Variants in MAD1L1 observed in about 807,000 individuals in gnomAD.
MAD1L1 encodes mitotic arrest deficient 1 like 1.
MAD1L1 carries 95 observed loss-of-function variants against 96.9 expected under a neutral mutation model. The ratio of observed to expected loss-of-function variants is 0.98; its 90% CI spans 0.83 to 1.16. The LOEUF (loss-of-function observed/expected upper bound fraction) is 1.16, where lower values mean the gene tolerates loss of function less well. Among genes scored for constraint, MAD1L1 ranks in the 50% most tolerant of loss-of-function variants. The pLI is 0.00. For synonymous variants in MAD1L1, 473 were observed against 396.6 expected (o/e 1.19, Z -2.29); for missense variants, 1,007 against 954.4 (o/e 1.06, Z -0.73).
chr7:1,853,655 T>G (rs1204304102), intron 18 of MAD1L1, among the ~76,000 whole-genome samples: 1 of 151,908 alleles, frequency 6.6e-6, no homozygotes, highest in East Asian at 1.9e-4. Flanking sequence ...CCCACACGCC[T>G]CCCTCTGCAC....
At position 1,818,815 on chromosome 7, in the gene MAD1L1, G is replaced by A. The variant is rs553802786; in HGVS notation, c.1999-2587C>T. On this transcript the variant is annotated intron_variant, in intron 18 of 18. Coordinates refer to ENST00000265854, the MANE Select transcript of MAD1L1 (RefSeq NM_001013836.2). ...CACCTCCTCTCTGCCGGCCTCAGGC[G>A]GCTCTGGAAGAATGATGCCCTAATA... Among the ~76,000 whole-genome samples, 11 of 151,900 alleles carry A rather than the reference G, an allele frequency of 7.2e-5. 1 individual carries two copies. The highest frequency in any genetic ancestry group is 3.9e-4 in the East Asian group (2 of 5,160).
At chr7:1,909,652 C>T (rs1356452716) in intron 17 of MAD1L1, among the ~76,000 whole-genome samples, 1 of 152,170 alleles carries the variant, frequency 6.6e-6, no homozygotes, top group East Asian at 1.9e-4. Flanking sequence ...GCCCCAAATC[C>T]AAATTCCCGG....
chr7:1,881,602 G>T (rs1446185679), intron 18 of MAD1L1, among the ~76,000 whole-genome samples: 1 of 152,158 alleles, frequency 6.6e-6, no homozygotes, highest in Non-Finnish European at 1.5e-5. Flanking sequence ...GCACAACTGC[G>T]AAATAGCACA....
intron 18 of MAD1L1, among the ~76,000 whole-genome samples, chr7:1,872,187 C>T (rs937591601): frequency 6.6e-6 from 1 of 152,220 alleles, no homozygotes; most frequent in Non-Finnish European, 1.5e-5. Flanking sequence ...GGGCTGCCTG[C>T]AGGGTCAGAC....
At chr7:2,001,359 C>T (rs1781783704) in intron 14 of MAD1L1, among the ~76,000 whole-genome samples, 1 of 152,282 alleles carries the variant, frequency 6.6e-6, no homozygotes, top group Non-Finnish European at 1.5e-5. Context: ...ATGGAGGGAA[C>T]CTACACTTTG....
At position 2,119,174 on chromosome 7, in the gene MAD1L1, C is replaced by T. The variant is rs1015323386; in HGVS notation, c.1073+29978G>A. ...GGTTCAGGCCAGGCAGCCTGGACTC[C>T]TGCTGTGTTTCATCTACTGTGACAT... On this transcript the variant is annotated intron_variant, in intron 11 of 18. Coordinates refer to ENST00000265854, the MANE Select transcript of MAD1L1 (RefSeq NM_001013836.2). The surrounding 1 kb of genome is among the most constrained non-coding windows in gnomAD (Gnocchi z 4.6). Among the ~76,000 whole-genome samples the T allele has an allele frequency of 2.0e-5, 3 of 152,150 alleles. No individual in the cohort carries two copies. The highest frequency in any genetic ancestry group is 7.2e-5 in the African/African-American group (3 of 41,430).
chr7:1,990,586 G>C (rs1156669366), intron 14 of MAD1L1, among the ~76,000 whole-genome samples: 3 of 152,274 alleles, frequency 2.0e-5, no homozygotes, highest in South Asian at 2.1e-4. Context: ...CGGAGGGCAT[G>C]TCCCGGCCGA....
chr7:2,158,782 T>G (rs148270997), intron 10 of MAD1L1, among the ~76,000 whole-genome samples: 10 of 152,290 alleles, frequency 6.6e-5, no homozygotes, highest in African/African-American at 9.6e-5. Context: ...GCTGGTGTTT[T>G]CCTGAAGACA....
At chr7:1,891,219 G>A (rs532300119) in intron 18 of MAD1L1, among the ~76,000 whole-genome samples, 1 of 152,338 alleles carries the variant, frequency 6.6e-6, no homozygotes, top group Admixed American at 6.5e-5. Flanking sequence ...TTTAAGCTAA[G>A]TGTTATACAA....
intron 16 of MAD1L1, among the ~76,000 whole-genome samples, chr7:1,944,967 G>A (rs967444425): frequency 6.6e-6 from 1 of 152,198 alleles, no homozygotes; most frequent in Admixed American, 6.5e-5. Context: ...ACAGTGCAGT[G>A]GCCACCAAGG....
chr7:2,059,468 G>C (rs1037408373), intron 12 of MAD1L1, among the ~76,000 whole-genome samples: 2 of 151,646 alleles, frequency 1.3e-5, no homozygotes, highest in Non-Finnish European at 2.9e-5. Flanking sequence ...AAGAGGCGTG[G>C]GGCTGGAGAG....
At chr7:1,977,211 G>T (rs1234997408) in intron 15 of MAD1L1, among the ~76,000 whole-genome samples, 1 of 152,366 alleles carries the variant, frequency 6.6e-6, no homozygotes, top group South Asian at 2.1e-4. Flanking sequence ...ACGGCTGGGG[G>T]TGGGTGTGGG....
intron 12 of MAD1L1, among the ~76,000 whole-genome samples, chr7:2,039,318 T>C (rs754819138): frequency 1.3e-5 from 2 of 152,250 alleles, no homozygotes; most frequent in Non-Finnish European, 2.9e-5. Context: ...CAAAAGCTGC[T>C]AGGAAGAGTC....
At chr7:2,118,972 G>A (rs1332102293) in intron 11 of MAD1L1, among the ~76,000 whole-genome samples, 2 of 152,074 alleles carry the variant, frequency 1.3e-5, no homozygotes, top group African/African-American at 2.4e-5. Context: ...CCTCCATCAA[G>A]GCCAAAAGCT....
At position 2,218,003 on chromosome 7, in the gene MAD1L1, C is replaced by G. The variant is rs772418290; in HGVS notation, c.637G>C (p.Ala213Pro). 6.2e-7 allele frequency: 1 copy of G among 1,614,120 alleles called. No homozygotes were observed. Among genetic ancestry groups the G allele is most frequent in the Non-Finnish European group, 8.5e-7 (1 of 1,179,962 alleles). The change falls in exon 7 of 19, where the codon GCC becomes CCC. Residue 213 changes from alanine to proline, a missense_variant. Transcript: ENST00000265854. ...EANQKIQELQ[A>P]SQEARADHEQ... ...TGGTCTGCTCTTGCTTCTTGGCTGG[C>G]CTGGAGTTCCTGGATTTTCTGATTG...
At chr7:2,167,502 T>C (rs547291353) in intron 10 of MAD1L1, among the ~76,000 whole-genome samples, 3 of 151,812 alleles carry the variant, frequency 2.0e-5, no homozygotes, top group Non-Finnish European at 4.4e-5. Flanking sequence ...TGAGCCGAGA[T>C]CACGCCACTG....
At chr7:2,051,045 G>A (rs1019396818) in intron 12 of MAD1L1, among the ~76,000 whole-genome samples, 1 of 152,216 alleles carries the variant, frequency 6.6e-6, no homozygotes, top group Non-Finnish European at 1.5e-5. Context: ...TCGAAACTGA[G>A]TTTAAAGAGA....
At chr7:2,166,175 C>G (rs1790420346) in intron 10 of MAD1L1, among the ~76,000 whole-genome samples, 1 of 152,242 alleles carries the variant, frequency 6.6e-6, no homozygotes, top group African/African-American at 2.4e-5. Flanking sequence ...CGCCGCAGCC[C>G]TGGACCCAGG....
chr7:2,105,491 A>G (rs1156712357), intron 11 of MAD1L1, among the ~76,000 whole-genome samples: 1 of 152,062 alleles, frequency 6.6e-6, no homozygotes, highest in East Asian at 1.9e-4. Context: ...GGGAGCGTGG[A>G]TCATCACCCG....
Sources: gnomAD v4.1 joint callset for allele counts (sites outside exome capture counted in the v4.1 genomes callset) on GRCh38, gnomAD v4.1.1 for gene constraint, Gnocchi (gnomAD v3.1) non-coding constraint, MANE v1.5 for transcripts, NCBI Gene and HGNC (gene_info 2026-07-23, HGNC 2026-07-21) for gene names.